The following STK24 variants were observed in gnomAD, a reference collection of about 807,000 sequenced individuals.
The protein encoded by STK24 is serine/threonine-protein kinase 24.
In STK24, 21 loss-of-function variants were observed where a neutral mutation model predicts 55.6. That is an observed-to-expected ratio of 0.38 (90% CI 0.27 to 0.54). STK24 has a LOEUF of 0.54. STK24 is among the 20% of genes least tolerant of loss of function. The pLI, the probability that STK24 is intolerant of heterozygous loss-of-function variation, is 0.79. For missense variants in STK24, 383 were observed against 538.4 expected, an observed-to-expected ratio of 0.71 and a Z score of 2.86; for synonymous variants, 200 against 215.2, an observed-to-expected ratio of 0.93 and a Z score of 0.62.
rs1893188601 is a variant in STK24 at position 98,451,457 on chromosome 13, C to T, written c.*1716G>A. The T allele has an allele frequency of 6.6e-6, 1 of 152,144 alleles. No individual in the cohort carries two copies. Among genetic ancestry groups the T allele is most frequent in the South Asian group, 2.1e-4 (1 of 4,830 alleles). 9.4% of individuals were successfully genotyped at this position (152,144 alleles called of 1,614,324 possible). A position where few individuals can be genotyped will look rare whatever the true frequency, so the allele number is the denominator to read the frequency against. ...CCCCAACCAAAATATATCCCTTATA[C>T]AAATTAAGAGTTCAACCCAAATCCA... On this transcript the variant is annotated 3_prime_UTR_variant, in exon 11 of 11. Transcript: ENST00000539966.
At chr13:98,469,178 T>C (rs1312129655) in intron 5 of STK24, among the ~76,000 whole-genome samples, 5 of 152,226 alleles carry the variant, frequency 3.3e-5, no homozygotes, top group Non-Finnish European at 7.3e-5. Flanking sequence ...AGAAAACCCC[T>C]GCTGGCCCCA....
intron 2 of STK24, among the ~76,000 whole-genome samples, chr13:98,502,650 TCGCACGAGCTTG>T (rs888051889): frequency 1.1e-4 from 17 of 152,186 alleles, no homozygotes; most frequent in African/African-American, 4.1e-4. Context: ...CCTTTCTCCT[TCGCACGAGCTTG>T]CTTGCTCTTC....
chr13:98,468,728 A>G (rs1894018300), intron 5 of STK24, among the ~76,000 whole-genome samples: 2 of 152,266 alleles, frequency 1.3e-5, no homozygotes, highest in African/African-American at 4.8e-5. Flanking sequence ...TTGTAAGGGT[A>G]CATAATAGTT....
chr13:98,488,617 G>A (rs9554474), intron 2 of STK24, among the ~76,000 whole-genome samples: 39,454 of 151,880 alleles, frequency 0.26, 6,098 homozygotes, highest in East Asian at 0.42. Context: ...TTTGCTTCTG[G>A]TAATTTTTGC....
chr13:98,473,965 A>G (rs1364721494), intron 5 of STK24, among the ~76,000 whole-genome samples: 1 of 152,202 alleles, frequency 6.6e-6, no homozygotes, highest in African/African-American at 2.4e-5. Context: ...GGTTCGGCCT[A>G]TATGCATATC....
intron 1 of STK24, among the ~76,000 whole-genome samples, chr13:98,558,111 C>T (rs1897322120): frequency 6.6e-6 from 1 of 152,154 alleles, no homozygotes; most frequent in Non-Finnish European, 1.5e-5. Flanking sequence ...GGGCCATAAG[C>T]TCCTTGAAGA....
intron 5 of STK24, among the ~76,000 whole-genome samples, chr13:98,471,782 G>A (rs1894157251): frequency 6.6e-6 from 1 of 152,160 alleles, no homozygotes; most frequent in Non-Finnish European, 1.5e-5. Flanking sequence ...AGCTAGTGAG[G>A]CAGGTGAAGT....
intron 1 of STK24, among the ~76,000 whole-genome samples, chr13:98,568,244 G>A (rs1400670196): frequency 2.6e-5 from 4 of 152,054 alleles, no homozygotes; most frequent in Non-Finnish European, 5.9e-5. Flanking sequence ...TGATCCACCC[G>A]CTTCGGCCTC....
intron 1 of STK24, among the ~76,000 whole-genome samples, chr13:98,534,177 C>T (rs1408021667): frequency 3.3e-5 from 5 of 152,222 alleles, no homozygotes; most frequent in Admixed American, 1.3e-4. Flanking sequence ...CTCAGCCCTG[C>T]CCCAGGATCT....
At position 98,446,633 on chromosome 13, in the gene STK24, G is replaced by A. The variant is rs552093644; in HGVS notation, c.*6540C>T. Reference sequence around the variant, plus strand: ...AGGCCCAGCAGCAGAAGCTGACCCCGAAAAGCCACTTTGCTTTGTTTCCCC... The same window carrying A: ...AGGCCCAGCAGCAGAAGCTGACCCCAAAAAGCCACTTTGCTTTGTTTCCCC... On this transcript the variant is annotated 3_prime_UTR_variant, in exon 11 of 11. Coordinates refer to ENST00000539966, the MANE Select transcript of STK24 (RefSeq NM_001032296.4). 225 of 1,610,542 alleles carry A rather than the reference G, an allele frequency of 1.4e-4. No individual in the cohort carries two copies. Among genetic ancestry groups the A allele is most frequent in the Middle Eastern group, 3.3e-4 (2 of 6,046 alleles).
intron 2 of STK24, among the ~76,000 whole-genome samples, chr13:98,494,440 A>G (rs1895172235): frequency 2.1e-5 from 3 of 145,204 alleles, no homozygotes; most frequent in South Asian, 4.4e-4. Context: ...TGCCTCTAAC[A>G]GTATTATAAG....
In STK24 at chr13:98,446,848, T is replaced by C; in HGVS notation, c.*6325A>G. 6.2e-7 allele frequency: 1 copy of C among 1,609,328 alleles called. No individual in the cohort carries two copies. The highest frequency in any genetic ancestry group is 8.5e-7 in the Non-Finnish European group (1 of 1,176,260). On this transcript the variant is annotated 3_prime_UTR_variant, in exon 11 of 11. Transcript: ENST00000539966. ...CACCCCCTTCCCACGCACAGGGCCCTGCAGAAGAGGACCCCCTCTTCCAAA... is the reference window on the plus strand; with the variant it reads ...CACCCCCTTCCCACGCACAGGGCCCCGCAGAAGAGGACCCCCTCTTCCAAA...
intron 4 of STK24, 36 bp downstream of exon 4, chr13:98,475,214 A>G: frequency 1.3e-6 from 2 of 1,554,772 alleles, no homozygotes; most frequent in Non-Finnish European, 1.8e-6. Flanking sequence ...CACCACCTTC[A>G]GTATTTCAAA....
At chr13:98,475,700 C>T (rs1329705266) in intron 3 of STK24, among the ~76,000 whole-genome samples, 1 of 152,112 alleles carries the variant, frequency 6.6e-6, no homozygotes, top group Non-Finnish European at 1.5e-5. Flanking sequence ...AATGAGGAAG[C>T]CCACGACCCG....
chr13:98,534,961 T>C (rs1466672489), intron 1 of STK24, among the ~76,000 whole-genome samples: 1 of 152,240 alleles, frequency 6.6e-6, no homozygotes, highest in East Asian at 1.9e-4. Context: ...AAATCAGCTG[T>C]TTGGGCAGCA....
chr13:98,517,169 CCAT>C (rs1400824067), intron 2 of STK24, among the ~76,000 whole-genome samples: 1 of 152,208 alleles, frequency 6.6e-6, no homozygotes, highest in Admixed American at 6.5e-5. Context: ...TTTGCCAAAA[CCAT>C]CATAATAATT....
rs1189641043 is a variant in STK24 at position 98,532,845 on chromosome 13, C to A, written c.43-13372G>T. ...TCTGTGTCCATGAACAGATAATTTACTTCTGTAAGTGGCACTACTCAGTTT... is the reference window on the plus strand; with the variant it reads ...TCTGTGTCCATGAACAGATAATTTAATTCTGTAAGTGGCACTACTCAGTTT... On this transcript the variant is annotated intron_variant, in intron 1 of 10. Transcript: ENST00000539966. 2.0e-5 allele frequency among the ~76,000 whole-genome samples: 3 copies of A among 152,336 alleles called. No individual in the cohort carries two copies. In the East Asian group the frequency reaches 5.8e-4, roughly 29 times the overall value.
At chr13:98,503,831 T>C (rs765368645) in intron 2 of STK24, among the ~76,000 whole-genome samples, 1 of 152,236 alleles carries the variant, frequency 6.6e-6, no homozygotes, top group Non-Finnish European at 1.5e-5. Context: ...TGTTCAGAGA[T>C]GTGACTGCCC....
chr13:98,551,970 C>T (rs1897170299), intron 1 of STK24, among the ~76,000 whole-genome samples: 1 of 152,092 alleles, frequency 6.6e-6, no homozygotes, highest in Admixed American at 6.5e-5. Flanking sequence ...TGCTGATGGA[C>T]CTGCTGCGAT....
Sources: allele counts gnomAD v4.1 joint callset (sites outside exome capture counted in the v4.1 genomes callset), GRCh38; gene constraint gnomAD v4.1.1; transcripts MANE v1.5; gene names NCBI Gene and HGNC (gene_info 2026-07-23, HGNC 2026-07-21).